NLGN1: variants seen among roughly 807,000 people sequenced by gnomAD.
NLGN1 encodes the protein neuroligin-1.
NLGN1 carries 12 observed loss-of-function variants against 65.5 expected under a neutral mutation model. That is an observed-to-expected ratio of 0.18 (90% CI 0.12 to 0.30). The LOEUF is 0.30. Among genes scored for constraint, NLGN1 ranks in the 10% least tolerant of loss-of-function variants. The pLI is 1.00. For synonymous variants in NLGN1, 350 were observed against 359.5 expected, an observed-to-expected ratio of 0.97 and a Z score of 0.30; for missense variants, 750 against 1,007.1, an observed-to-expected ratio of 0.74 and a Z score of 3.46.
chr3:174,203,137 C>A (rs1258638577), intron 4 of NLGN1, among the ~76,000 whole-genome samples: 1 of 152,164 alleles, frequency 6.6e-6, no homozygotes, highest in Non-Finnish European at 1.5e-5. Context: ...TATGAGAGTT[C>A]TTCGCCATTT....
chr3:173,600,183 ATG>A (rs1750208046), intron 2 of NLGN1, among the ~76,000 whole-genome samples: 7 of 122,190 alleles, frequency 5.7e-5, no homozygotes, highest in East Asian at 2.3e-4. Context: ...ATCTATGTAC[ATG>A]TGTGTACATG....
intron 2 of NLGN1, among the ~76,000 whole-genome samples, chr3:173,574,500 G>A (rs1745199757): frequency 6.6e-6 from 1 of 151,888 alleles, no homozygotes; most frequent in South Asian, 2.1e-4. Context: ...AATTTTTAAA[G>A]CATCATTGAA....
chr3:174,028,101 T>C (rs950164031), intron 4 of NLGN1, among the ~76,000 whole-genome samples: 3 of 152,316 alleles, frequency 2.0e-5, no homozygotes, highest in South Asian at 4.1e-4. Context: ...TCCCCAGCCA[T>C]GTTTAACAGT....
At chr3:173,443,533 A>G (rs1719618552) in intron 2 of NLGN1, among the ~76,000 whole-genome samples, 1 of 152,090 alleles carries the variant, frequency 6.6e-6, no homozygotes, top group Non-Finnish European at 1.5e-5. Flanking sequence ...ATAAACATAT[A>G]TATTGTATGT....
chr3:173,565,442 G>A (rs926415134), intron 2 of NLGN1, among the ~76,000 whole-genome samples: 1 of 152,174 alleles, frequency 6.6e-6, no homozygotes, highest in African/African-American at 2.4e-5. Flanking sequence ...GACCTATGCT[G>A]TTGAATTCCT....
intron 4 of NLGN1, among the ~76,000 whole-genome samples, chr3:174,247,747 A>G (rs570031591): frequency 6.6e-6 from 1 of 152,116 alleles, no homozygotes; most frequent in Non-Finnish European, 1.5e-5. Context: ...GAAACCAAAA[A>G]CAGCCATCTC....
chr3:173,999,173 C>A (rs115255910), intron 4 of NLGN1, among the ~76,000 whole-genome samples: 2 of 152,112 alleles, frequency 1.3e-5, no homozygotes, highest in Non-Finnish European at 2.9e-5. Flanking sequence ...CAGATGAGCT[C>A]CTTAGAGCTA....
chr3:174,002,005 A>C (rs2152428086), intron 4 of NLGN1, among the ~76,000 whole-genome samples: 1 of 151,946 alleles, frequency 6.6e-6, no homozygotes, highest in African/African-American at 2.4e-5. Flanking sequence ...TATGGGAGTC[A>C]TGGATGAAAG....
At chr3:174,021,174 C>T (rs1231265030) in intron 4 of NLGN1, among the ~76,000 whole-genome samples, 4 of 151,762 alleles carry the variant, frequency 2.6e-5, no homozygotes, top group South Asian at 2.1e-4. Flanking sequence ...CAAGATTGTG[C>T]GGAAAGAGAA....
In NLGN1 at chr3:174,206,405, G is replaced by A. The variant is rs78839732; in HGVS notation, c.647-68910G>A. Among the ~76,000 whole-genome samples, 896 of 152,208 alleles carry A rather than the reference G, an allele frequency of 5.9e-3. 24 individuals are homozygous for A. The highest frequency in any genetic ancestry group is 0.028 in the East Asian group (143 of 5,162). On this transcript the variant is annotated intron_variant, in intron 4 of 6. Transcript: ENST00000457714. ...TCAATCCTTGGCAAAACTGAATTTCGTTTTAGCTAGAGCACCTTTTTATCT... is the reference window on the plus strand; with the variant it reads ...TCAATCCTTGGCAAAACTGAATTTCATTTTAGCTAGAGCACCTTTTTATCT...
At chr3:174,225,321 T>G (rs575787873) in intron 4 of NLGN1, among the ~76,000 whole-genome samples, 1 of 152,314 alleles carries the variant, frequency 6.6e-6, no homozygotes, top group East Asian at 1.9e-4. Flanking sequence ...TAATGGGCAT[T>G]TACTTTGTGT....
At chr3:173,553,757 C>T (rs1007961801) in intron 2 of NLGN1, among the ~76,000 whole-genome samples, 4 of 151,786 alleles carry the variant, frequency 2.6e-5, no homozygotes, top group African/African-American at 9.7e-5. Flanking sequence ...AGCTACACAG[C>T]CTGTGCAGAT....
intron 4 of NLGN1, among the ~76,000 whole-genome samples, chr3:173,884,718 A>G (rs1189175834): frequency 6.6e-6 from 1 of 152,138 alleles, no homozygotes; most frequent in East Asian, 1.9e-4. Flanking sequence ...TCTGTAATCT[A>G]CCAATTTCTT....
intron 4 of NLGN1, among the ~76,000 whole-genome samples, chr3:174,246,813 G>A (rs1455870900): frequency 6.6e-6 from 1 of 152,092 alleles, no homozygotes; most frequent in Non-Finnish European, 1.5e-5. Context: ...TGCACTGGGG[G>A]AAAATTGGTC....
intron 4 of NLGN1, among the ~76,000 whole-genome samples, chr3:174,109,587 A>G (rs1005927315): frequency 1.3e-5 from 2 of 152,036 alleles, no homozygotes; most frequent in African/African-American, 4.8e-5. Context: ...GTTTTTCTCT[A>G]TATCTGACCT....
At chr3:173,550,363 G>A (rs1047561049) in intron 2 of NLGN1, among the ~76,000 whole-genome samples, 2 of 151,978 alleles carry the variant, frequency 1.3e-5, no homozygotes, top group African/African-American at 2.4e-5. Context: ...ACACATGCAT[G>A]TTGTCAAGGA....
downstream of NLGN1, among the ~76,000 whole-genome samples, chr3:174,286,922 AAGTG>A (rs1317561833): frequency 6.6e-6 from 1 of 151,500 alleles, no homozygotes; most frequent in Non-Finnish European, 1.5e-5. Flanking sequence ...AAAAAGGAGG[AAGTG>A]AGAGAGAACA....
At chr3:173,519,209 A>C (rs1455673310) in intron 2 of NLGN1, among the ~76,000 whole-genome samples, 4 of 152,228 alleles carry the variant, frequency 2.6e-5, no homozygotes, top group Admixed American at 2.6e-4. Flanking sequence ...AAAAGCTGGA[A>C]TGTCCAGTCA....
chr3:173,554,070 A>G (rs1476779522), intron 2 of NLGN1, among the ~76,000 whole-genome samples: 1 of 152,212 alleles, frequency 6.6e-6, no homozygotes, highest in Admixed American at 6.5e-5. Context: ...TTCAATTGCT[A>G]CCATATGGTG....
Sources: allele counts gnomAD v4.1 joint callset (sites outside exome capture counted in the v4.1 genomes callset), GRCh38; gene constraint gnomAD v4.1.1; transcripts MANE v1.5; gene names NCBI Gene and HGNC (gene_info 2026-07-23, HGNC 2026-07-21).